The following RAB38 variants were observed in gnomAD, a reference collection of about 807,000 sequenced individuals.
RAB38 encodes RAB38, member RAS oncogene family, also known as ras-related protein Rab-38.
A neutral mutation model predicts 18.4 loss-of-function variants in RAB38; 15 were observed. The observed-to-expected ratio is 0.82, with a 90% CI of 0.55 to 1.26. RAB38 has a LOEUF of 1.26. RAB38 is among the 50% of genes most tolerant of loss of function. The pLI, the probability that RAB38 is intolerant of heterozygous loss-of-function variation, is 0.00. For synonymous variants in RAB38, 101 were observed against 104.4 expected, an observed-to-expected ratio of 0.97 and a Z score of 0.20; for missense variants, 294 against 267.4, an observed-to-expected ratio of 1.10 and a Z score of -0.69.
the RAB38 span, among the ~76,000 whole-genome samples, chr11:87,889,009 C>T: frequency 1.1e-3 from 174 of 152,002 alleles, no homozygotes; most frequent in African/African-American, 4.0e-3. Context: ...TCATGTGACT[C>T]TAAAGGGAAA....
the RAB38 span, among the ~76,000 whole-genome samples, chr11:87,963,681 C>T: frequency 6.8e-6 from 1 of 146,542 alleles, no homozygotes; most frequent in Non-Finnish European, 1.5e-5. Context: ...GATTCTTGCT[C>T]TGTTGCCCAG....
the RAB38 span, among the ~76,000 whole-genome samples, chr11:88,063,833 C>T: frequency 6.6e-6 from 1 of 152,188 alleles, no homozygotes; most frequent in African/African-American, 2.4e-5. Context: ...CCTCCCCAGC[C>T]ACGTGGAACT....
At chr11:87,923,899 G>T in the RAB38 span, among the ~76,000 whole-genome samples, 3 of 151,102 alleles carry the variant, frequency 2.0e-5, no homozygotes, top group African/African-American at 7.3e-5. Flanking sequence ...CTAGTTGATG[G>T]CTTTCCTCAT....
At chr11:88,092,294 GAC>G in the RAB38 span, among the ~76,000 whole-genome samples, 5,098 of 98,318 alleles carry the variant, frequency 0.052, 1,984 homozygotes, top group Admixed American at 0.11. Context: ...AGGTGAAGGA[GAC>G]GGCCGGTGTA....
At chr11:87,975,627 G>A in the RAB38 span, among the ~76,000 whole-genome samples, 1 of 151,746 alleles carries the variant, frequency 6.6e-6, no homozygotes, top group Non-Finnish European at 1.5e-5. Context: ...AATAACATAT[G>A]CAGAAGTAAA....
At chr11:87,898,116 A>G in the RAB38 span, among the ~76,000 whole-genome samples, 1 of 151,638 alleles carries the variant, frequency 6.6e-6, no homozygotes, top group Non-Finnish European at 1.5e-5. Context: ...AACCTCCAAA[A>G]GTTGCCTACT....
chr11:88,010,198 C>T, the RAB38 span, among the ~76,000 whole-genome samples: 1 of 152,116 alleles, frequency 6.6e-6, no homozygotes, highest in Non-Finnish European at 1.5e-5. Context: ...ATATGTAATA[C>T]ACACTTGACT....
the RAB38 span, among the ~76,000 whole-genome samples, chr11:88,030,844 T>A: frequency 6.6e-6 from 1 of 151,772 alleles, no homozygotes; most frequent in African/African-American, 2.4e-5. Context: ...TTCCAATCAA[T>A]AGAAAAAGAG....
At chr11:87,878,258 CTATCTATCTATCT>C in the RAB38 span, among the ~76,000 whole-genome samples, 5,668 of 115,334 alleles carry the variant, frequency 0.049, 343 homozygotes, top group Admixed American at 0.077. Context: ...TATCATCTAT[CTATCTATCTATCT>C]ATCTATCTAT....
the RAB38 span, among the ~76,000 whole-genome samples, chr11:87,897,499 G>A: frequency 6.6e-6 from 1 of 151,418 alleles, no homozygotes; most frequent in Non-Finnish European, 1.5e-5. Context: ...GTGTTAAGAG[G>A]GGTATTTTTA....
chr11:87,891,053 T>G, the RAB38 span, among the ~76,000 whole-genome samples: 1 of 151,832 alleles, frequency 6.6e-6, no homozygotes, highest in Non-Finnish European at 1.5e-5. Flanking sequence ...CTCATCTAGA[T>G]TAGGTTGGTT....
chr11:87,919,845 C>T, the RAB38 span, among the ~76,000 whole-genome samples: 1 of 151,824 alleles, frequency 6.6e-6, no homozygotes, highest in Admixed American at 6.6e-5. Context: ...TTTTATATGT[C>T]TAGGAATTTA....
chr11:87,832,894 T>A, the RAB38 span, among the ~76,000 whole-genome samples: 66 of 150,054 alleles, frequency 4.4e-4, no homozygotes, highest in African/African-American at 1.5e-3. Context: ...CATCTCACAG[T>A]GGGGGGTGGG....
chr11:88,106,494 T>C, the RAB38 span, among the ~76,000 whole-genome samples: 48 of 152,292 alleles, frequency 3.2e-4, no homozygotes, highest in African/African-American at 1.1e-3. Context: ...GAAAGACAAT[T>C]TTGTTCTAAT....
At chr11:87,965,621 A>T in the RAB38 span, among the ~76,000 whole-genome samples, 1 of 152,170 alleles carries the variant, frequency 6.6e-6, no homozygotes, top group African/African-American at 2.4e-5. Flanking sequence ...GAAGTATTAT[A>T]ATATACTACA....
At chr11:87,894,238 T>C in the RAB38 span, among the ~76,000 whole-genome samples, 13,763 of 151,572 alleles carry the variant, frequency 0.091, 943 homozygotes, top group Admixed American at 0.22. Flanking sequence ...GCCCCAGAAC[T>C]AAATAAGAGG....
the RAB38 span, among the ~76,000 whole-genome samples, chr11:87,951,148 A>G: frequency 7.9e-5 from 12 of 151,950 alleles, no homozygotes; most frequent in East Asian, 2.1e-3. Flanking sequence ...ATCTTCCATC[A>G]CTGATACCCT....
chr11:88,141,017 G>C (rs1472477966), intron 2 of RAB38, among the ~76,000 whole-genome samples: 2 of 152,170 alleles, frequency 1.3e-5, no homozygotes, highest in East Asian at 3.9e-4. Context: ...TCCATGGCTA[G>C]AGATAGAGAT....
the RAB38 span, among the ~76,000 whole-genome samples, chr11:88,027,850 T>TG: frequency 1.3e-5 from 2 of 152,328 alleles, no homozygotes; most frequent in East Asian, 3.9e-4. Context: ...TAAATGTCCC[T>TG]GTCTGACAGC....
Sources: gnomAD v4.1 joint callset for allele counts (sites outside exome capture counted in the v4.1 genomes callset) on GRCh38, gnomAD v4.1.1 for gene constraint, MANE v1.5 for transcripts, NCBI Gene and HGNC (gene_info 2026-07-23, HGNC 2026-07-21) for gene names.